EXPH5: variants seen among roughly 807,000 people sequenced by gnomAD.
EXPH5 encodes the protein exophilin 5.
Under a neutral mutation model 41.1 loss-of-function variants are expected in EXPH5, and 42 were observed. The observed-to-expected ratio is 1.02, with a 90% CI of 0.80 to 1.32. The LOEUF is 1.32. Ranked by LOEUF, EXPH5 falls within the 40% of genes most tolerant of loss-of-function variation. EXPH5 has a pLI of 0.00. For missense variants in EXPH5, 2,298 were observed against 2,314.5 expected, an observed-to-expected ratio of 0.99 and a Z score of 0.15; for synonymous variants, 798 against 833.5, an observed-to-expected ratio of 0.96 and a Z score of 0.73.
At chr11:108,529,658 A>G (rs2093824039) in intron 3 of EXPH5, among the ~76,000 whole-genome samples, 1 of 152,086 alleles carries the variant, frequency 6.6e-6, no homozygotes, top group African/African-American at 2.4e-5. Context: ...CAGCCTGACC[A>G]ACATGGTGAA....
rs2093690924 is a variant in EXPH5, at chr11:108,512,676, T to C, written c.2831A>G (p.Glu944Gly). 3.1e-6 allele frequency: 5 copies of C among 1,614,052 alleles called. No homozygotes were observed. Among genetic ancestry groups the C allele is most frequent in the Middle Eastern group, 1.6e-4 (1 of 6,084 alleles). Reference sequence around the variant, plus strand: ...TGTAGGCACAGGACTATCATTTCTCTCTTGGTTTTCTGAGTGGCTTACAAT... The same window carrying C: ...TGTAGGCACAGGACTATCATTTCTCCCTTGGTTTTCTGAGTGGCTTACAAT... Reference protein sequence around the residue: ...QFIVSHSENQERNDSPVPTHD... With the variant: ...QFIVSHSENQGRNDSPVPTHD... The change falls in exon 6 of 6, where the codon GAG (glutamate) becomes GGG (glycine). Residue 944 changes from glutamate to glycine, a missense_variant. Glu to Gly is a moderately conservative substitution (Grantham distance 98, BLOSUM62 -2). Coordinates refer to ENST00000265843, the MANE Select transcript of EXPH5 (RefSeq NM_015065.3).
intron 1 of EXPH5, among the ~76,000 whole-genome samples, chr11:108,549,469 A>G (rs1370572944): frequency 6.6e-6 from 1 of 151,962 alleles, no homozygotes; most frequent in Admixed American, 6.6e-5. Context: ...GTCTTTCCCA[A>G]CTTAGTCCTT....
the EXPH5 span, among the ~76,000 whole-genome samples, chr11:108,601,026 G>A: frequency 3.9e-5 from 6 of 152,226 alleles, no homozygotes; most frequent in African/African-American, 1.2e-4. Context: ...GGCAAGAACT[G>A]TTCACCATAC....
At chr11:108,550,766 G>A (rs949822530) in intron 1 of EXPH5, among the ~76,000 whole-genome samples, 1 of 152,028 alleles carries the variant, frequency 6.6e-6, no homozygotes, top group African/African-American at 2.4e-5. Context: ...GCAACAGAGT[G>A]AGACTTCGTC....
At chr11:108,606,743 A>C in the EXPH5 span, among the ~76,000 whole-genome samples, 1 of 152,082 alleles carries the variant, frequency 6.6e-6, no homozygotes, top group East Asian at 1.9e-4. Context: ...GGTTTTTTTC[A>C]GAGCACCTAG....
At chr11:108,577,028 C>T (rs1484854370) in intron 1 of EXPH5, among the ~76,000 whole-genome samples, 5 of 152,182 alleles carry the variant, frequency 3.3e-5, no homozygotes, top group Non-Finnish European at 7.4e-5. Flanking sequence ...ATAATATCTT[C>T]CAGTTCCATC....
intron 3 of EXPH5, chr11:108,537,901 A>T: frequency 1.2e-6 from 1 of 820,270 alleles, no homozygotes; most frequent in Non-Finnish European, 1.5e-6. Flanking sequence ...TCTCAATTTT[A>T]AATCCCCCAA....
At chr11:108,566,301 C>T (rs2094034182) in intron 1 of EXPH5, among the ~76,000 whole-genome samples, 1 of 152,154 alleles carries the variant, frequency 6.6e-6, no homozygotes, top group South Asian at 2.1e-4. Context: ...GAGTGATACT[C>T]ATTCCCCAAT....
At chr11:108,541,886 CT>C (rs985347104) in intron 1 of EXPH5, 74 bp from the exon 2 acceptor site, 1,250 of 1,263,308 alleles carry the variant, frequency 9.9e-4, no homozygotes, top group East Asian at 1.3e-3. Flanking sequence ...AATCAATGTA[CT>C]TTTTTTTTGA....
intron 1 of EXPH5, among the ~76,000 whole-genome samples, chr11:108,584,836 G>A (rs1266443966): frequency 6.6e-6 from 1 of 152,092 alleles, no homozygotes; most frequent in Non-Finnish European, 1.5e-5. Context: ...TTGTAATCTG[G>A]GCTGAGGCAG....
At chr11:108,606,771 T>A in the EXPH5 span, among the ~76,000 whole-genome samples, 1 of 152,166 alleles carries the variant, frequency 6.6e-6, no homozygotes, top group South Asian at 2.1e-4. Flanking sequence ...TATATTACTT[T>A]TTGTTTATAT....
Position 108,514,153 on chromosome 11 carries a change from G to T in EXPH5, c.1354C>A (p.His452Asn), listed in dbSNP as rs1189221901. The T allele has an allele frequency of 1.2e-6, 2 of 1,613,830 alleles. No individual in the cohort carries two copies. Among genetic ancestry groups the T allele is most frequent in the East Asian group, 2.2e-5 (1 of 44,902 alleles). ...GATCTGGTAAATGTGTTGCTTTGAT[G>T]GTAGAATGGCATGTTCTCTGAGTTC... ...FENSENMPFYHQSNTFTRSFF... is the reference protein window; with the variant it reads ...FENSENMPFYNQSNTFTRSFF... Residue 452 changes from histidine (H) to asparagine (N), a missense_variant, in exon 6 of 6, where the codon CAT (histidine) becomes AAT (asparagine). By Grantham distance (68) the His-to-Asn change is moderately conservative (BLOSUM62 1). Transcript: ENST00000265843.
intron 1 of EXPH5, among the ~76,000 whole-genome samples, chr11:108,589,361 G>A (rs1044912277): frequency 2.6e-5 from 4 of 152,110 alleles, no homozygotes; most frequent in African/African-American, 9.7e-5. Context: ...TTGTGTATCT[G>A]GCTTTTAACC....
chr11:108,546,919 C>G (rs1473144343), intron 1 of EXPH5, among the ~76,000 whole-genome samples: 1 of 151,980 alleles, frequency 6.6e-6, no homozygotes, highest in African/African-American at 2.4e-5. Flanking sequence ...TCTCCTGCCT[C>G]AGCCTCCTGA....
chr11:108,543,108 G>A (rs1398339481), intron 1 of EXPH5, among the ~76,000 whole-genome samples: 1 of 152,132 alleles, frequency 6.6e-6, no homozygotes, highest in Non-Finnish European at 1.5e-5. Flanking sequence ...AGGTAGTAAG[G>A]GATGGGGTAA....
At chr11:108,545,258 T>C (rs2093932594) in intron 1 of EXPH5, among the ~76,000 whole-genome samples, 1 of 151,934 alleles carries the variant, frequency 6.6e-6, no homozygotes, top group Non-Finnish European at 1.5e-5. Context: ...TACAAAAAAT[T>C]TAAAAGTTAG....
chr11:108,522,854 T>G (rs1014689901), intron 4 of EXPH5, among the ~76,000 whole-genome samples: 1 of 152,082 alleles, frequency 6.6e-6, no homozygotes, highest in Non-Finnish European at 1.5e-5. Flanking sequence ...AACACCTTTT[T>G]TGCAGCACAA....
chr11:108,563,958 T>C (rs963743507), intron 1 of EXPH5, among the ~76,000 whole-genome samples: 3 of 152,136 alleles, frequency 2.0e-5, no homozygotes, highest in Non-Finnish European at 2.9e-5. Flanking sequence ...GGGACTGCCT[T>C]TGTTTGTATC....
At chr11:108,560,868 C>T (rs2136078406) in intron 1 of EXPH5, among the ~76,000 whole-genome samples, 1 of 152,322 alleles carries the variant, frequency 6.6e-6, no homozygotes, top group South Asian at 2.1e-4. Context: ...TATTCACTAT[C>T]ATTTTAACTT....
Sources: allele counts gnomAD v4.1 joint callset (sites outside exome capture counted in the v4.1 genomes callset), GRCh38; gene constraint gnomAD v4.1.1; transcripts MANE v1.5; gene names NCBI Gene and HGNC (gene_info 2026-07-23, HGNC 2026-07-21).